Variants in RAP1B observed in about 807,000 individuals in gnomAD.
The protein encoded by RAP1B is RAP1B, member of RAS oncogene family.
Under a neutral mutation model 27.5 loss-of-function variants are expected in RAP1B, and 1 was observed. That is an observed-to-expected ratio of 0.04 (90% CI 0.01 to 0.17). The LOEUF (loss-of-function observed/expected upper bound fraction) is 0.17. Among genes scored for constraint, RAP1B ranks in the 10% least tolerant of loss-of-function variants. The pLI is 1.00. For missense variants in RAP1B, 84 were observed against 214.8 expected, an observed-to-expected ratio of 0.39 and a Z score of 3.81; for synonymous variants, 75 against 73.1, an observed-to-expected ratio of 1.03 and a Z score of -0.13.
At position 68,631,092 on chromosome 12, in the gene RAP1B, A is replaced by G. The variant is rs191070158; in HGVS notation, c.-26-17607A>G. 1.1e-4 allele frequency among the ~76,000 whole-genome samples: 17 copies of G among 152,146 alleles called. 1 individual carries two copies. The highest frequency in any genetic ancestry group is 1.9e-4 in the East Asian group (1 of 5,204). ...AGTGGTATAACTAAATGTAACTTCA[A>G]TGTGCCTTAGATATTAGATGCCATG... On this transcript the variant is annotated intron_variant, in intron 1 of 7. Transcript: ENST00000250559.
Position 68,659,778 on chromosome 12 carries a change from A to C in RAP1B, c.*529A>C, listed in dbSNP as rs1427653090. 2 of 152,480 alleles carry C rather than the reference A, an allele frequency of 1.3e-5. No homozygotes were observed. The highest frequency in any genetic ancestry group is 4.8e-5 in the African/African-American group (2 of 41,400). 9.4% of individuals were successfully genotyped at this position (152,480 alleles called of 1,614,324 possible). ...ACAAAATAAGCGCTTTGATTAACAC[A>C]GCTATATAGTTTTTTTAATTTTTAA... is the stretch of plus-strand genomic sequence containing the variant. On this transcript the variant is annotated 3_prime_UTR_variant, in exon 8 of 8. Transcript: ENST00000250559.
Position 68,650,606 on chromosome 12 carries a change from C to A in RAP1B, c.126+138C>A, listed in dbSNP as rs374067301. ...AATTAGTGGGAAAAGTTTACACTTT[C>A]TGGCATTGCATAGTTACCAGTTTAA... On this transcript the variant is annotated intron_variant, in intron 3 of 7. Transcript: ENST00000250559. 7 of 790,584 alleles carry A rather than the reference C, an allele frequency of 8.9e-6. No individual in the cohort carries two copies. In the South Asian group the frequency reaches 1.8e-4, roughly 20 times the overall value. 49.0% of individuals were successfully genotyped at this position (790,584 alleles called of 1,614,324 possible).
At chr12:68,631,937 A>G (rs1417112762) in intron 1 of RAP1B, among the ~76,000 whole-genome samples, 3 of 152,092 alleles carry the variant, frequency 2.0e-5, no homozygotes, top group African/African-American at 7.2e-5. Flanking sequence ...TTTTCCCAGG[A>G]TGGAGAGTTT....
intron 1 of RAP1B, chr12:68,642,863 G>A (rs1935459724): frequency 2.0e-6 from 2 of 992,616 alleles, no homozygotes; most frequent in South Asian, 2.6e-5. Context: ...CTCAGGTAAA[G>A]CAGCCAACCT....
At chr12:68,657,695 C>T (rs1231548125) in intron 7 of RAP1B, 1 of 159,410 alleles carries the variant, frequency 6.3e-6, no homozygotes, top group Non-Finnish European at 1.4e-5. Flanking sequence ...CGTGAGCCAC[C>T]ACTCCCAGCC....
At chr12:68,639,934 G>A (rs1388841614) in intron 1 of RAP1B, among the ~76,000 whole-genome samples, 1 of 151,622 alleles carries the variant, frequency 6.6e-6, no homozygotes, top group Non-Finnish European at 1.5e-5. Context: ...TCTGCCTCCT[G>A]GGTTCAAGCG....
At chr12:68,616,853 CTG>C (rs1327221184) in intron 1 of RAP1B, among the ~76,000 whole-genome samples, 1 of 152,204 alleles carries the variant, frequency 6.6e-6, no homozygotes, top group African/African-American at 2.4e-5. Context: ...GCATGAGCCA[CTG>C]TGCCTGGCCC....
chr12:68,643,413 A>G, intron 1 of RAP1B, among the ~76,000 whole-genome samples: 2 of 152,290 alleles, frequency 1.3e-5, no homozygotes, highest in Middle Eastern at 3.4e-3. Flanking sequence ...TTGATATAAG[A>G]TAGGTATTTA....
chr12:68,650,926 ATTTTC>A (rs1873769868), intron 3 of RAP1B: 1 of 152,386 alleles, frequency 6.6e-6, no homozygotes, highest in Non-Finnish European at 1.5e-5. Flanking sequence ...ATTTCAGATT[ATTTTC>A]TGATTTTAGA....
chr12:68,625,180 T>C (rs534702296), intron 1 of RAP1B, among the ~76,000 whole-genome samples: 2 of 152,386 alleles, frequency 1.3e-5, no homozygotes, highest in African/African-American at 4.8e-5. Flanking sequence ...TAAGTGTTTA[T>C]TCATATGTGA....
chr12:68,658,647 C>T (rs931078712), intron 7 of RAP1B, among the ~76,000 whole-genome samples: 1 of 151,776 alleles, frequency 6.6e-6, no homozygotes, highest in African/African-American at 2.4e-5. Context: ...AGTGTAATAC[C>T]ACCTTTTTCT....
At chr12:68,648,623 A>G in intron 1 of RAP1B, 76 bp from the exon 2 acceptor site, 1 of 1,156,570 alleles carries the variant, frequency 8.6e-7, no homozygotes, top group South Asian at 1.4e-5. Context: ...TATTTTCCTG[A>G]ATGTTTTATT....
At chr12:68,640,345 T>C (rs1872912018) in intron 1 of RAP1B, among the ~76,000 whole-genome samples, 2 of 152,126 alleles carry the variant, frequency 1.3e-5, no homozygotes, top group Admixed American at 6.5e-5. Context: ...TTATCACAGC[T>C]GACACTTTAT....
chr12:68,644,655 C>G (rs1390875000), intron 1 of RAP1B, among the ~76,000 whole-genome samples: 1 of 146,426 alleles, frequency 6.8e-6, no homozygotes, highest in Non-Finnish European at 1.5e-5. Context: ...AGTGGCAGCT[C>G]AAACCATTGT....
chr12:68,633,728 G>GCACAC (rs1477847784), intron 1 of RAP1B, among the ~76,000 whole-genome samples: 1 of 152,106 alleles, frequency 6.6e-6, no homozygotes, highest in Admixed American at 6.6e-5. Flanking sequence ...AAATTAGCCA[G>GCACAC]GCATGGTGGC....
At chr12:68,627,069 A>G (rs1337323950) in intron 1 of RAP1B, 30 of 1,593,554 alleles carry the variant, frequency 1.9e-5, no homozygotes, top group East Asian at 1.3e-4. Flanking sequence ...CAGGGCCTCA[A>G]TCACATGCTC....
intron 1 of RAP1B, among the ~76,000 whole-genome samples, chr12:68,623,917 A>G (rs1639981419): frequency 6.6e-6 from 1 of 151,926 alleles, no homozygotes; most frequent in Non-Finnish European, 1.5e-5. Context: ...GCTACTCAGG[A>G]GGCTGAGGCG....
At position 68,665,795 on chromosome 12, in the gene RAP1B, A is replaced by G. The variant is rs918310532; in HGVS notation, c.*6546A>G. ...AGGTCTATGTATATCTGCAGCAACT[A>G]TAAAGTCTGTTTCAGAGTCAGTATT... On this transcript the variant is annotated 3_prime_UTR_variant, in exon 8 of 8. Transcript: ENST00000250559. The G allele has an allele frequency of 6.6e-6, 1 of 152,142 alleles. No homozygotes were observed. The highest frequency in any genetic ancestry group is 2.4e-5 in the African/African-American group (1 of 41,428). The allele number at this position is 152,142 out of a possible 1,614,324, so 9.4% of individuals were successfully genotyped here. A position where few individuals can be genotyped will look rare whatever the true frequency, so the allele number is the denominator to read the frequency against.
At chr12:68,628,199 A>G (rs1368413797) in intron 1 of RAP1B, among the ~76,000 whole-genome samples, 2 of 152,168 alleles carry the variant, frequency 1.3e-5, no homozygotes, top group Non-Finnish European at 2.9e-5. Context: ...ACAAAATTAC[A>G]TGTACTTTAA....
Sources: gnomAD v4.1 joint callset for allele counts (sites outside exome capture counted in the v4.1 genomes callset) on GRCh38, gnomAD v4.1.1 for gene constraint, MANE v1.5 for transcripts, NCBI Gene and HGNC (gene_info 2026-07-23, HGNC 2026-07-21) for gene names.